DOCK9: variants seen among roughly 807,000 people sequenced by gnomAD.
DOCK9 encodes dedicator of cytokinesis 9, also known as dedicator of cytokinesis protein 9.
A neutral mutation model predicts 263.3 loss-of-function variants in DOCK9; 89 were observed. The ratio of observed to expected loss-of-function variants is 0.34; its 90% CI spans 0.28 to 0.40. The LOEUF (loss-of-function observed/expected upper bound fraction) is 0.40, where lower values mean the gene tolerates loss of function less well. Among genes scored for constraint, DOCK9 ranks in the 10% least tolerant of loss-of-function variants. The probability of loss-of-function intolerance (pLI) is 1.00; values close to 1 mark genes in which losing one functional copy is unlikely to be tolerated. For missense variants in DOCK9, 2,140 were observed against 2,603.4 expected (o/e 0.82, Z 3.87); for synonymous variants, 976 against 973.1 (o/e 1.00, Z -0.06).
intron 1 of DOCK9, among the ~76,000 whole-genome samples, chr13:99,025,079 G>A (rs1385870464): frequency 6.6e-6 from 1 of 152,100 alleles, no homozygotes; most frequent in African/African-American, 2.4e-5. Context: ...ACTGTAACTA[G>A]GTTTTAAAAG....
chr13:99,008,067 G>C (rs1446286923), intron 1 of DOCK9, among the ~76,000 whole-genome samples: 3 of 151,746 alleles, frequency 2.0e-5, no homozygotes, highest in African/African-American at 7.3e-5. Context: ...AAGGAAAATG[G>C]AAGAGAAGGT....
intron 38 of DOCK9, among the ~76,000 whole-genome samples, chr13:98,844,373 T>C (rs1315972914): frequency 1.3e-5 from 1 of 78,278 alleles, no homozygotes; most frequent in Admixed American, 1.4e-4. Flanking sequence ...TTTTTTTTAT[T>C]TTTTTTTTGA....
intron 1 of DOCK9, among the ~76,000 whole-genome samples, chr13:98,973,885 A>G (rs890224978): frequency 9.2e-5 from 14 of 152,114 alleles, no homozygotes; most frequent in Admixed American, 3.3e-4. Context: ...CTTGAGCCAC[A>G]GTGCCCGCTG....
intron 49 of DOCK9, among the ~76,000 whole-genome samples, chr13:98,802,373 T>A (rs965394426): frequency 6.6e-6 from 1 of 152,240 alleles, no homozygotes; most frequent in Non-Finnish European, 1.5e-5. Flanking sequence ...AATGGCTGCA[T>A]GAGAGTCCAA....
intron 1 of DOCK9, among the ~76,000 whole-genome samples, chr13:99,071,769 G>C (rs1374314272): frequency 6.6e-6 from 1 of 152,038 alleles, no homozygotes; most frequent in Non-Finnish European, 1.5e-5. Context: ...TCCACCATTC[G>C]CTTTAGTTTC....
chr13:99,019,644 C>T (rs899721338), intron 1 of DOCK9, among the ~76,000 whole-genome samples: 2 of 152,190 alleles, frequency 1.3e-5, no homozygotes, highest in African/African-American at 4.8e-5. Context: ...GGGAGCTGTC[C>T]TATTCTCCCC....
At chr13:98,943,720 T>A (rs1231665747) in intron 2 of DOCK9, among the ~76,000 whole-genome samples, 1 of 152,134 alleles carries the variant, frequency 6.6e-6, no homozygotes, top group Non-Finnish European at 1.5e-5. Flanking sequence ...AATGTAAACA[T>A]GAATTTTCAA....
At chr13:98,800,180 T>C (rs1232134840) in intron 50 of DOCK9, 108 bp downstream of exon 50, 2 of 1,218,006 alleles carry the variant, frequency 1.6e-6, no homozygotes, top group Non-Finnish European at 2.2e-6. Flanking sequence ...CAGGGATCAC[T>C]TGGTAAACCG....
chr13:99,023,302 T>C (rs977412083), intron 1 of DOCK9, among the ~76,000 whole-genome samples: 1 of 152,244 alleles, frequency 6.6e-6, no homozygotes, highest in Non-Finnish European at 1.5e-5. Flanking sequence ...CTATTCAGCC[T>C]TAAAATGCAA....
chr13:98,825,807 C>A lies in DOCK9; in HGVS notation c.5023+1023G>T, dbSNP rs2092504900. The stretch of plus-strand genomic sequence containing the variant: ...TGCAAAGTTAAAAGGGCAAATCCCC[C>A]ACCACGGGAGGGCACGTGACCAGGG... On this transcript the variant is annotated intron_variant, in intron 44 of 52. Coordinates refer to ENST00000682017, the MANE Select transcript of DOCK9 (RefSeq NM_001366683.2). This position sits in a 1 kb window ranked among gnomAD's most constrained non-coding sequence, Gnocchi z 4.1. The A allele has an allele frequency of 8.9e-7, 1 of 1,126,662 alleles. No individual in the cohort carries two copies. Among genetic ancestry groups the A allele is most frequent in the Non-Finnish European group, 1.2e-6 (1 of 836,912 alleles). The allele number at this position is 1,126,662 out of a possible 1,614,324, so 69.8% of individuals were successfully genotyped here.
chr13:98,836,213 T>C (rs144279922), intron 39 of DOCK9, among the ~76,000 whole-genome samples: 5 of 152,250 alleles, frequency 3.3e-5, no homozygotes, highest in Admixed American at 6.5e-5. Context: ...AATTTTCTGC[T>C]TATTTACCTG....
chr13:98,982,003 C>A (rs1236697289), upstream of DOCK9, among the ~76,000 whole-genome samples: 3 of 152,204 alleles, frequency 2.0e-5, no homozygotes, highest in African/African-American at 7.2e-5. Context: ...AGTTCCTTCA[C>A]ACACCAGCTT....
At chr13:99,015,787 A>T (rs772897809) in intron 1 of DOCK9, 87 of 1,299,004 alleles carry the variant, frequency 6.7e-5, no homozygotes, top group Non-Finnish European at 8.0e-5. Flanking sequence ...CAACAGCCTG[A>T]CAAAAAATCC....
chr13:98,978,693 C>T (rs145486848), upstream of DOCK9, among the ~76,000 whole-genome samples: 4,210 of 152,222 alleles, frequency 0.028, 94 homozygotes, highest in South Asian at 0.063. Flanking sequence ...GTACTAGGTG[C>T]TGAGAGGATC....
intron 1 of DOCK9, among the ~76,000 whole-genome samples, chr13:99,060,127 G>A (rs1470948829): frequency 8.1e-6 from 1 of 123,566 alleles, no homozygotes; most frequent in Non-Finnish European, 1.6e-5. Flanking sequence ...AGGCTGGACT[G>A]CAGTGGCATG....
chr13:98,922,286 T>C (rs546168490), intron 5 of DOCK9, 140 bp from the exon 6 acceptor site: 67 of 571,668 alleles, frequency 1.2e-4, no homozygotes, highest in Non-Finnish European at 2.0e-4. Context: ...TTGACACCAA[T>C]GCCTACAAGT....
chr13:98,883,838 T>G lies in DOCK9; in HGVS notation c.2444A>C (p.His815Pro), dbSNP rs369454715. The G allele has an allele frequency of 6.2e-7, 1 of 1,612,462 alleles. No individual in the cohort carries two copies. The highest frequency in any genetic ancestry group is 8.5e-7 in the Non-Finnish European group (1 of 1,179,382). ...GGKPLLKIST[H>P]LVSTVYTQDQ... is the part of the protein sequence containing the mutation. ...CTGAGTATACACTGTAGAAACCAGA[T>G]GAGTGGAAATTTTCAGCAGTGGCTT... The change falls in exon 22 of 53, where the codon CAT becomes CCT. Residue 815 changes from histidine to proline, a missense_variant. His to Pro is a moderately conservative substitution (Grantham distance 77). This residue lies in a region of DOCK9 where 1,521 missense variants were observed against 1,741.7 expected (regional missense o/e 0.87). Transcript: ENST00000682017.
At chr13:98,922,788 G>A (rs1420388704) in intron 5 of DOCK9, among the ~76,000 whole-genome samples, 4 of 152,206 alleles carry the variant, frequency 2.6e-5, no homozygotes, top group Admixed American at 2.0e-4. Context: ...GATGGGCATT[G>A]TCTTCTTGTG....
intron 3 of DOCK9, among the ~76,000 whole-genome samples, chr13:98,928,597 T>C (rs904312490): frequency 5.3e-5 from 8 of 152,206 alleles, no homozygotes; most frequent in South Asian, 4.1e-4. Flanking sequence ...CTTTAAAACA[T>C]AGGTCAACAA....
Sources: gnomAD v4.1 joint callset for allele counts (sites outside exome capture counted in the v4.1 genomes callset) on GRCh38, gnomAD v4.1.1 for gene constraint, gnomAD v4.1.1 regional missense constraint, Gnocchi (gnomAD v3.1) non-coding constraint, MANE v1.5 for transcripts, NCBI Gene and HGNC (gene_info 2026-07-23, HGNC 2026-07-21) for gene names.